Variants in AGTPBP1 observed in about 807,000 individuals in gnomAD.
The protein encoded by AGTPBP1 is cytosolic carboxypeptidase 1.
A neutral mutation model predicts 143.9 loss-of-function variants in AGTPBP1; 70 were observed. The observed-to-expected ratio is 0.49, with a 90% CI of 0.40 to 0.59. AGTPBP1 has a LOEUF of 0.59. Among genes scored for constraint, AGTPBP1 ranks in the 20% least tolerant of loss-of-function variants. The pLI is 0.00. For missense variants in AGTPBP1, 1,229 were observed against 1,464.5 expected (o/e 0.84, Z 2.62); for synonymous variants, 463 against 500.2 (o/e 0.93, Z 0.99).
chr9:85,583,229 C>A (rs531661066), intron 23 of AGTPBP1, among the ~76,000 whole-genome samples: 3 of 152,302 alleles, frequency 2.0e-5, no homozygotes, highest in Admixed American at 2.0e-4. Flanking sequence ...TTCTGATCTG[C>A]AGAACTGTAA....
chr9:85,710,310 A>G (rs1263496386), intron 2 of AGTPBP1, among the ~76,000 whole-genome samples: 4 of 152,138 alleles, frequency 2.6e-5, no homozygotes, highest in African/African-American at 9.7e-5. Flanking sequence ...CAAAAAGAGG[A>G]AAAGAAAAAA....
At chr9:85,574,115 G>A (rs111413842) in intron 25 of AGTPBP1, among the ~76,000 whole-genome samples, 331 of 152,276 alleles carry the variant, frequency 2.2e-3, no homozygotes, top group African/African-American at 7.6e-3. Context: ...TTTTCATTTT[G>A]TTCTGTACTA....
At chr9:85,626,199 C>T (rs36058378) in intron 14 of AGTPBP1, among the ~76,000 whole-genome samples, 28,795 of 151,954 alleles carry the variant, frequency 0.19, 3,568 homozygotes, top group East Asian at 0.52. Flanking sequence ...CATTGAGATA[C>T]GAATCTTACT....
intron 21 of AGTPBP1, among the ~76,000 whole-genome samples, chr9:85,587,748 G>A (rs1828705490): frequency 6.6e-6 from 1 of 152,084 alleles, no homozygotes; most frequent in Admixed American, 6.5e-5. Context: ...CAGAGACCTT[G>A]TCAAATTACC....
the AGTPBP1 span, among the ~76,000 whole-genome samples, chr9:85,771,840 A>G: frequency 9.3e-5 from 14 of 151,330 alleles, no homozygotes; most frequent in Non-Finnish European, 1.5e-4. Context: ...CTTTTTTTTT[A>G]GTAGAGACGG....
intron 3 of AGTPBP1, among the ~76,000 whole-genome samples, chr9:85,688,836 T>A (rs1041678699): frequency 3.3e-5 from 5 of 152,190 alleles, no homozygotes; most frequent in Admixed American, 6.5e-5. Context: ...GTTGCAACAA[T>A]TTAAATGTCT....
intron 1 of AGTPBP1, among the ~76,000 whole-genome samples, chr9:85,735,175 C>T (rs757694601): frequency 1.2e-4 from 18 of 152,168 alleles, no homozygotes; most frequent in Non-Finnish European, 1.6e-4. Flanking sequence ...CTGGTATATA[C>T]ATATAACAGA....
At chr9:85,681,945 T>C (rs1017505281) in intron 3 of AGTPBP1, among the ~76,000 whole-genome samples, 3 of 151,426 alleles carry the variant, frequency 2.0e-5, no homozygotes, top group Non-Finnish European at 4.4e-5. Context: ...AGACGGGGTT[T>C]TACCCTGTTG....
At chr9:85,589,819 T>G (rs1444861537) in intron 19 of AGTPBP1, 138 bp from the exon 20 acceptor site, 2 of 820,778 alleles carry the variant, frequency 2.4e-6, no homozygotes, top group African/African-American at 3.5e-5. Context: ...CAGGGCCAGA[T>G]GTAGCCTAAA....
intron 13 of AGTPBP1, 99 bp from the exon 14 acceptor site, chr9:85,633,473 G>T: frequency 3.0e-6 from 3 of 984,930 alleles, no homozygotes; most frequent in Admixed American, 3.6e-5. Context: ...AGAAATTTTT[G>T]GAAATTTTAA....
At chr9:85,565,904 T>C (rs942627954) in intron 25 of AGTPBP1, among the ~76,000 whole-genome samples, 11 of 152,180 alleles carry the variant, frequency 7.2e-5, no homozygotes, top group Admixed American at 2.0e-4. Context: ...TCAGGTAAAA[T>C]AGTGGCATAC....
chr9:85,731,178 AT>A (rs1478191891), intron 1 of AGTPBP1, among the ~76,000 whole-genome samples: 1 of 152,208 alleles, frequency 6.6e-6, no homozygotes, highest in East Asian at 1.9e-4. Flanking sequence ...AGGTCAGCCT[AT>A]TCAATATTTT....
the AGTPBP1 span, chr9:85,764,766 T>C: frequency 7.6e-7 from 1 of 1,311,070 alleles, no homozygotes; most frequent in East Asian, 2.3e-5. Context: ...GAACAAGACT[T>C]CTCTGAAAAG....
chr9:85,680,744 C>G (rs1390146466), intron 4 of AGTPBP1, among the ~76,000 whole-genome samples: 2 of 152,120 alleles, frequency 1.3e-5, no homozygotes, highest in African/African-American at 4.8e-5. Flanking sequence ...AACATTGCAA[C>G]TGAACAAAAT....
chr9:85,697,554 G>A (rs1403058221), intron 2 of AGTPBP1, among the ~76,000 whole-genome samples: 4 of 139,604 alleles, frequency 2.9e-5, no homozygotes, highest in African/African-American at 8.1e-5. Context: ...CCGGGTTCAC[G>A]CCATTCTCCT....
intron 18 of AGTPBP1, 105 bp from the exon 19 acceptor site, chr9:85,592,809 T>C: frequency 7.1e-7 from 1 of 1,402,466 alleles, no homozygotes; most frequent in Non-Finnish European, 9.8e-7. Flanking sequence ...AAAACCCGAG[T>C]CTGTAAAAAG....
At chr9:85,770,252 C>A in the AGTPBP1 span, 3 of 1,362,872 alleles carry the variant, frequency 2.2e-6, no homozygotes, top group Non-Finnish European at 3.1e-6. Flanking sequence ...TATACTATTT[C>A]ATTTAAAATG....
chr9:85,747,547 T>C, the AGTPBP1 span, among the ~76,000 whole-genome samples: 69 of 152,206 alleles, frequency 4.5e-4, no homozygotes, highest in Admixed American at 4.4e-3. Context: ...ATTAATTTCT[T>C]TCAGCAATGT....
chr9:85,802,621 C>T, the AGTPBP1 span, among the ~76,000 whole-genome samples: 1 of 152,200 alleles, frequency 6.6e-6, no homozygotes, highest in South Asian at 2.1e-4. Context: ...GACTACATTA[C>T]CTAGAGTAGG....
Sources: allele counts gnomAD v4.1 joint callset (sites outside exome capture counted in the v4.1 genomes callset), GRCh38; gene constraint gnomAD v4.1.1; transcripts MANE v1.5; gene names NCBI Gene and HGNC (gene_info 2026-07-23, HGNC 2026-07-21).